UTP20: variants seen among roughly 807,000 people sequenced by gnomAD.
The protein encoded by UTP20 is small subunit processome component 20 homolog.
Under a neutral mutation model 329.5 loss-of-function variants are expected in UTP20, and 164 were observed. The observed-to-expected ratio is 0.50, with a 90% CI of 0.44 to 0.57. UTP20 has a LOEUF of 0.57. Among genes scored for constraint, UTP20 ranks in the 20% least tolerant of loss-of-function variants. UTP20 has a pLI of 0.00. For missense variants in UTP20, 3,055 were observed against 3,284.2 expected, an observed-to-expected ratio of 0.93 and a Z score of 1.71; for synonymous variants, 1,151 against 1,159.3, an observed-to-expected ratio of 0.99 and a Z score of 0.14.
Position 101,321,597 on chromosome 12 carries a change from C to T in UTP20, c.3009C>T (p.Ala1003=). 6 of 1,613,456 alleles carry T rather than the reference C, an allele frequency of 3.7e-6. No individual in the cohort carries two copies. The highest frequency in any genetic ancestry group is 5.1e-6 in the Non-Finnish European group (6 of 1,179,698). Residue 1003 remains alanine (A), a synonymous_variant, in exon 25 of 62, where the codon GCC becomes GCT. Coordinates refer to ENST00000261637, the MANE Select transcript of UTP20 (RefSeq NM_014503.3). ...AAGATAATGCTGTAGTGAAAACAGC[C>T]CACCGAGCAGATCTATTTCCTATTC... is the stretch of plus-strand genomic sequence containing the variant. ...ISEDNAVVKT[A]HRADLFPILM...
chr12:101,296,692 G>C (rs540975490), intron 12 of UTP20, among the ~76,000 whole-genome samples: 1 of 152,204 alleles, frequency 6.6e-6, no homozygotes, highest in Admixed American at 6.5e-5. Flanking sequence ...AGGTTGCAGT[G>C]AGCCGAAATC....
chr12:101,321,122 A>G (rs1868362851), intron 24 of UTP20, among the ~76,000 whole-genome samples, 185 bp downstream of exon 24: 1 of 152,198 alleles, frequency 6.6e-6, no homozygotes, highest in Admixed American at 6.5e-5. Flanking sequence ...CCATGATACT[A>G]AAATAGAGAA....
In UTP20 at chr12:101,294,181, A is replaced by T. The variant is rs7953723; in HGVS notation, c.1251+936A>T. ...CTCCCAAGTAGCTGGGACTACAGGCACCCACCACCACGCCTGGCTGATTTT... is the reference window on the plus strand; with the variant it reads ...CTCCCAAGTAGCTGGGACTACAGGCTCCCACCACCACGCCTGGCTGATTTT... On this transcript the variant is annotated intron_variant, in intron 11 of 61. Coordinates refer to ENST00000261637, the MANE Select transcript of UTP20 (RefSeq NM_014503.3). 4.6e-5 allele frequency among the ~76,000 whole-genome samples: 7 copies of T among 151,570 alleles called. No individual in the cohort carries two copies. The South Asian group carries it at 1.5e-3, about 32-fold the overall frequency.
intron 21 of UTP20, among the ~76,000 whole-genome samples, chr12:101,315,097 C>A (rs142616387): frequency 6.6e-6 from 1 of 151,672 alleles, no homozygotes; most frequent in Admixed American, 6.6e-5. Context: ...GACTTTGTCT[C>A]TGCTCCCAAA....
intron 31 of UTP20, among the ~76,000 whole-genome samples, chr12:101,339,923 A>G (rs1045342373): frequency 6.6e-6 from 1 of 152,234 alleles, no homozygotes; most frequent in Non-Finnish European, 1.5e-5. Context: ...TGTATTTCTA[A>G]GTTATGCAGA....
chr12:101,373,799 C>T, intron 54 of UTP20, 32 bp downstream of exon 54: 1 of 1,594,356 alleles, frequency 6.3e-7, no homozygotes, highest in South Asian at 1.1e-5. Context: ...AGTTCAGTGA[C>T]AAGTCTTAGC....
At chr12:101,326,261 C>T (rs1868547093) in intron 25 of UTP20, among the ~76,000 whole-genome samples, 1 of 152,102 alleles carries the variant, frequency 6.6e-6, no homozygotes, top group Non-Finnish European at 1.5e-5. Context: ...ACTATAGTTA[C>T]AAATGTTGTA....
At chr12:101,371,359 G>A (rs1270864091) in intron 51 of UTP20, among the ~76,000 whole-genome samples, 191 bp downstream of exon 51, 1 of 151,970 alleles carries the variant, frequency 6.6e-6, no homozygotes, top group African/African-American at 2.4e-5. Flanking sequence ...GCCAAAATTT[G>A]AAGGAAGAAA....
chr12:101,366,711 C>T lies in UTP20; in HGVS notation c.6267+12C>T. 2 of 1,609,590 alleles carry T rather than the reference C, an allele frequency of 1.2e-6. No individual in the cohort carries two copies. Among genetic ancestry groups the T allele is most frequent in the Non-Finnish European group, 1.7e-6 (2 of 1,177,174 alleles). On this transcript the variant is annotated intron_variant, in intron 47 of 61. Coordinates refer to ENST00000261637, the MANE Select transcript of UTP20 (RefSeq NM_014503.3). ...AGTCCGGGCTTCGGGTAAGAATTAA[C>T]CTTAAAATGAGACTTGCTACTTTCA...
At chr12:101,362,105 A>G in intron 44 of UTP20, 45 bp downstream of exon 44, 1 of 1,378,788 alleles carries the variant, frequency 7.3e-7, no homozygotes, top group South Asian at 1.2e-5. Context: ...TAAGTGGGCC[A>G]ACGACACAAA....
rs1565789287 is a variant in UTP20, at chr12:101,306,718, G to A, written c.1952G>A (p.Arg651Lys). 1 of 1,604,508 alleles carries A rather than the reference G, an allele frequency of 6.2e-7. No individual in the cohort carries two copies. The highest frequency in any genetic ancestry group is 1.1e-5 in the South Asian group (1 of 88,878). ...CTCCAGATTCGGCTTTTGACAATAAGGATCCTAAACCATTTTGATGTCCAG... is the reference window on the plus strand; with the variant it reads ...CTCCAGATTCGGCTTTTGACAATAAAGATCCTAAACCATTTTGATGTCCAG... ...GVSKIRLLTIRILNHFDVQLP... is the reference protein window; with the variant it reads ...GVSKIRLLTIKILNHFDVQLP... The change falls in exon 17 of 62, where the codon AGG becomes AAG. Residue 651 changes from arginine to lysine, a missense_variant. Arg to Lys is a conservative substitution (Grantham distance 26, BLOSUM62 2). This residue lies in a region of UTP20 where 2,445 missense variants were observed against 2,575.5 expected (regional missense o/e 0.95). Transcript: ENST00000261637.
Position 101,290,130 on chromosome 12 carries a change from A to G in UTP20, c.598-7A>G, listed in dbSNP as rs1872089665. ...ATATAATTTTCCATTTCTACTTTAT[A>G]TTTTAGGTCTCTGATAAAAACGCAC... On this transcript the variant is annotated splice_polypyrimidine_tract_variant and splice_region_variant and intron_variant, in intron 6 of 61. Coordinates refer to ENST00000261637, the MANE Select transcript of UTP20 (RefSeq NM_014503.3). 1.3e-6 allele frequency: 2 copies of G among 1,544,780 alleles called. No individual in the cohort carries two copies. Among genetic ancestry groups the G allele is most frequent in the Non-Finnish European group, 1.8e-6 (2 of 1,129,128 alleles).
chr12:101,285,509 T>C, intron 2 of UTP20, 61 bp from the exon 3 acceptor site: 4 of 1,519,624 alleles, frequency 2.6e-6, no homozygotes, highest in Non-Finnish European at 3.6e-6. Flanking sequence ...CATTATTCTA[T>C]TTACCTTGAT....
chr12:101,365,325 AT>A (rs1870060506), intron 45 of UTP20, 133 bp from the exon 46 acceptor site: 1 of 630,496 alleles, frequency 1.6e-6, no homozygotes, highest in Non-Finnish European at 2.7e-6. Context: ...TTGAAATTAT[AT>A]TAAGAATGCT....
At chr12:101,343,422 G>A (rs941597698) in intron 35 of UTP20, among the ~76,000 whole-genome samples, 4 of 152,168 alleles carry the variant, frequency 2.6e-5, no homozygotes, top group Admixed American at 6.5e-5. Context: ...TTTCTAATGG[G>A]TATAGGGTTT....
In UTP20 at chr12:101,366,541, T is replaced by C; in HGVS notation, c.6126-17T>C. Reference sequence around the variant, plus strand: ...GACAGTGTTCTTTACCCTCTTCTCATGCCACGTGATTGACAGAAATCCAGT... The same window carrying C: ...GACAGTGTTCTTTACCCTCTTCTCACGCCACGTGATTGACAGAAATCCAGT... On this transcript the variant is annotated splice_polypyrimidine_tract_variant and intron_variant, in intron 46 of 61. Coordinates refer to ENST00000261637, the MANE Select transcript of UTP20 (RefSeq NM_014503.3). 1 of 1,606,724 alleles carries C rather than the reference T, an allele frequency of 6.2e-7. No individual in the cohort carries two copies. The highest frequency in any genetic ancestry group is 8.5e-7 in the Non-Finnish European group (1 of 1,176,760).
At position 101,338,193 on chromosome 12, in the gene UTP20, C is replaced by A; in HGVS notation, c.3784C>A (p.Leu1262Ile). Residue 1262 changes from leucine (L) to isoleucine (I), a missense_variant, in exon 30 of 62, where the codon CTT becomes ATT. Leu to Ile is a conservative substitution (Grantham distance 5). Transcript: ENST00000261637. ...GGACATAGTTGATGACCTTCTTAACCTTCCAGATTTCGAGCCTACAGAAAC... is the reference window on the plus strand; with the variant it reads ...GGACATAGTTGATGACCTTCTTAACATTCCAGATTTCGAGCCTACAGAAAC... ...VMDIVDDLLN[L>I]PDFEPTETVL... The A allele has an allele frequency of 6.2e-7, 1 of 1,614,128 alleles. No homozygotes were observed. The highest frequency in any genetic ancestry group is 8.5e-7 in the Non-Finnish European group (1 of 1,179,998).
chr12:101,372,557 TGGTA>T (rs1870329343), intron 51 of UTP20, among the ~76,000 whole-genome samples: 2 of 152,254 alleles, frequency 1.3e-5, no homozygotes, highest in Non-Finnish European at 2.9e-5. Context: ...GTCCATACTG[TGGTA>T]CACCTGTCAC....
chr12:101,312,190 C>G lies in UTP20; in HGVS notation c.2466C>G (p.Phe822Leu), dbSNP rs1565790969. The G allele has an allele frequency of 1.9e-6, 3 of 1,614,076 alleles. No homozygotes were observed. The highest frequency in any genetic ancestry group is 3.3e-5 in the Admixed American group (2 of 60,006). Residue 822 changes from phenylalanine (F) to leucine (L), a missense_variant, in exon 21 of 62, where the codon TTC becomes TTG. Physicochemically the swap from Phe to Leu is conservative, Grantham distance 22 (BLOSUM62 0). Around this residue, in one of 3 missense-constraint regions of UTP20, gnomAD observed 2,445 missense variants for 2,575.5 expected, o/e 0.95. Transcript: ENST00000261637. Reference protein sequence around the residue: ...QERLDHTNFRFLLWRALTKFP... With the variant: ...QERLDHTNFRLLLWRALTKFP... ...GACTTGACCACACCAACTTCAGATT[C>G]CTGCTCTGGAGAGCTCTGACCAAAT...
Sources: allele counts gnomAD v4.1 joint callset (sites outside exome capture counted in the v4.1 genomes callset), GRCh38; gene constraint gnomAD v4.1.1; regional missense constraint gnomAD v4.1.1; transcripts MANE v1.5; gene names NCBI Gene and HGNC (gene_info 2026-07-23, HGNC 2026-07-21).